The following HHIPL2 variants were observed in gnomAD, a reference collection of about 807,000 sequenced individuals.
HHIPL2 encodes HHIP like 2.
A neutral mutation model predicts 61.0 loss-of-function variants in HHIPL2; 61 were observed. The observed-to-expected ratio is 1.00, with a 90% CI of 0.81 to 1.24. The LOEUF is 1.24. Ranked by LOEUF, HHIPL2 falls within the 50% of genes most tolerant of loss-of-function variation. The pLI, the probability that HHIPL2 is intolerant of heterozygous loss-of-function variation, is 0.00. For synonymous variants in HHIPL2, 343 were observed against 357.4 expected, an observed-to-expected ratio of 0.96 and a Z score of 0.45; for missense variants, 885 against 910.2, an observed-to-expected ratio of 0.97 and a Z score of 0.36.
intron 6 of HHIPL2, 37 bp from the exon 7 acceptor site, chr1:222,527,087 T>C: frequency 6.7e-7 from 1 of 1,497,244 alleles, no homozygotes; most frequent in Non-Finnish European, 9.3e-7. Context: ...TAATGGGACA[T>C]CAGGCAGCAC....
chr1:222,531,281 G>C (rs996308892), intron 6 of HHIPL2, among the ~76,000 whole-genome samples: 1 of 152,126 alleles, frequency 6.6e-6, no homozygotes, highest in Non-Finnish European at 1.5e-5. Context: ...AGACAGCACC[G>C]GCAGCATAAA....
intron 1 of HHIPL2, among the ~76,000 whole-genome samples, chr1:222,545,979 AG>A (rs1659545786): frequency 6.6e-6 from 1 of 152,100 alleles, no homozygotes; most frequent in African/African-American, 2.4e-5. Flanking sequence ...CGGGAGGCAG[AG>A]GTTGTAGTCA....
intron 4 of HHIPL2, 89 bp downstream of exon 4, chr1:222,539,921 C>G: frequency 9.2e-7 from 1 of 1,088,514 alleles, no homozygotes; most frequent in Admixed American, 2.0e-5. Context: ...AAATGACCTG[C>G]AGGGCAGGAC....
intron 5 of HHIPL2, among the ~76,000 whole-genome samples, chr1:222,534,959 T>C (rs1291871180): frequency 1.3e-5 from 2 of 152,024 alleles, no homozygotes; most frequent in African/African-American, 4.8e-5. Context: ...AGCTATAAAT[T>C]CACAGATCCA....
rs1190830200 is a variant in HHIPL2, at chr1:222,530,881, A to G, written c.1723+1085T>C. On this transcript the variant is annotated intron_variant, in intron 6 of 8. Transcript: ENST00000343410. Reference sequence around the variant, plus strand: ...ATTATCTCTGTCTTTAAACATGGTGATATCTCGTGCCAAATACTGAAAAGT... The same window carrying G: ...ATTATCTCTGTCTTTAAACATGGTGGTATCTCGTGCCAAATACTGAAAAGT... 2.0e-5 allele frequency among the ~76,000 whole-genome samples: 3 copies of G among 152,148 alleles called. No homozygotes were observed. In the South Asian group the frequency reaches 6.2e-4, roughly 31 times the overall value.
In HHIPL2 at chr1:222,532,045, G is replaced by A; in HGVS notation, c.1644C>T (p.Gly548=). Residue 548 remains glycine, a synonymous_variant, in exon 6 of 9, where the codon GGC becomes GGT. Transcript: ENST00000343410. The part of the protein sequence containing the change: ...KKWKKQDLCL[G]STTSCAFPGL... Reference sequence around the variant, plus strand: ...CTGGGAAGGCACAGGACGTGGTGCTGCCCAGGCAAAGATCCTGCTTCTTCC... The same window carrying A: ...CTGGGAAGGCACAGGACGTGGTGCTACCCAGGCAAAGATCCTGCTTCTTCC... 1 of 1,613,676 alleles carries A rather than the reference G, an allele frequency of 6.2e-7. No homozygotes were observed. The highest frequency in any genetic ancestry group is 1.6e-4 in the Middle Eastern group (1 of 6,062).
At chr1:222,523,472 T>C (rs1658997389) in intron 8 of HHIPL2, 140 bp downstream of exon 8, 12 of 717,826 alleles carry the variant, frequency 1.7e-5, no homozygotes, top group Non-Finnish European at 2.5e-5. Context: ...AACTCCTCTG[T>C]TATGCAGAGG....
Position 222,544,103 on chromosome 1 carries a change from G to A in HHIPL2, c.408C>T (p.Tyr136=), listed in dbSNP as rs1659504410. ...GACAGTTAGAATGGAAGGCAGAGCAGTAATCAGAGCAGAGGCCCGGGAGAT... is the reference window on the plus strand; with the variant it reads ...GACAGTTAGAATGGAAGGCAGAGCAATAATCAGAGCAGAGGCCCGGGAGAT... ...LRNLPGLCSD[Y]CSAFHSNCHS... Residue 136 remains tyrosine, a synonymous_variant, in exon 2 of 9, where the codon TAC becomes TAT. Transcript: ENST00000343410. The A allele has an allele frequency of 1.2e-6, 2 of 1,614,052 alleles. No homozygotes were observed. Among genetic ancestry groups the A allele is most frequent in the African/African-American group, 1.3e-5 (1 of 74,924 alleles).
At chr1:222,547,328 CTCCCT>C (rs1659575148) in intron 1 of HHIPL2, among the ~76,000 whole-genome samples, 1 of 152,210 alleles carries the variant, frequency 6.6e-6, no homozygotes. Flanking sequence ...CCACCACTCC[CTCCCT>C]TAACGCGCTC....
At chr1:222,535,799 A>G (rs1342486544) in intron 5 of HHIPL2, among the ~76,000 whole-genome samples, 3 of 152,190 alleles carry the variant, frequency 2.0e-5, no homozygotes, top group Non-Finnish European at 4.4e-5. Flanking sequence ...CATATACAAT[A>G]TGTTCTGGGA....
chr1:222,540,330 A>C lies in HHIPL2; in HGVS notation c.1130T>G (p.Leu377Arg). Reference sequence around the variant, plus strand: ...CACATCGATCCTTAAAACTTTTCCCAGCAGGGAACTTCTGAAAGAAAGAAG... The same window carrying C: ...CACATCGATCCTTAAAACTTTTCCCCGCAGGGAACTTCTGAAAGAAAGAAG... ...FGNAQNKSSL[L>R]GKVLRIDVNR... Residue 377 changes from leucine to arginine, a missense_variant, in exon 4 of 9, where the codon CTG (leucine) becomes CGG (arginine). By Grantham distance (102) the Leu-to-Arg change is moderately radical (BLOSUM62 -2). Coordinates refer to ENST00000343410, the MANE Select transcript of HHIPL2 (RefSeq NM_024746.4). 6.2e-7 allele frequency: 1 copy of C among 1,604,282 alleles called. No individual in the cohort carries two copies.
In HHIPL2 at chr1:222,523,654, C is replaced by G. The variant is rs759308666; in HGVS notation, c.1846G>C (p.Val616Leu). Reference sequence around the variant, plus strand: ...GGGATCCGCTTACTCTTGGTTCTCACGGGCACTGGCTTGTATTTGCACTTG... The same window carrying G: ...GGGATCCGCTTACTCTTGGTTCTCAGGGGCACTGGCTTGTATTTGCACTTG... ...PGKCKYKPVP[V>L]RTKSKRIPFR... The change falls in exon 8 of 9, where the codon GTG becomes CTG. Residue 616 changes from valine to leucine, a missense_variant. Coordinates refer to ENST00000343410, the MANE Select transcript of HHIPL2 (RefSeq NM_024746.4). 3 of 1,614,110 alleles carry G rather than the reference C, an allele frequency of 1.9e-6. No homozygotes were observed. The South Asian group carries it at 3.3e-5, about 18-fold the overall frequency.
chr1:222,544,465 A>G (rs1288415975), intron 1 of HHIPL2, among the ~76,000 whole-genome samples: 1 of 152,236 alleles, frequency 6.6e-6, no homozygotes, highest in East Asian at 1.9e-4. Context: ...TAAATGATGC[A>G]TGAATATTTT....
At position 222,544,102 on chromosome 1, in the gene HHIPL2, A is replaced by G. The variant is rs1659504343; in HGVS notation, c.409T>C (p.Cys137Arg). The G allele has an allele frequency of 1.2e-6, 2 of 1,614,172 alleles. No individual in the cohort carries two copies. The highest frequency in any genetic ancestry group is 8.5e-7 in the Non-Finnish European group (1 of 1,180,038). ...RNLPGLCSDY[C>R]SAFHSNCHSA... ...TGACAGTTAGAATGGAAGGCAGAGCAGTAATCAGAGCAGAGGCCCGGGAGA... is the reference window on the plus strand; with the variant it reads ...TGACAGTTAGAATGGAAGGCAGAGCGGTAATCAGAGCAGAGGCCCGGGAGA... Residue 137 changes from cysteine to arginine, a missense_variant, in exon 2 of 9, where the codon TGC (cysteine) becomes CGC (arginine). Cys to Arg is a radical substitution (Grantham distance 180, BLOSUM62 -3). Transcript: ENST00000343410.
rs1057209249 is a variant in HHIPL2 at position 222,522,528 on chromosome 1, T to G, written c.*73A>C. On this transcript the variant is annotated 3_prime_UTR_variant, in exon 9 of 9. Coordinates refer to ENST00000343410, the MANE Select transcript of HHIPL2 (RefSeq NM_024746.4). The stretch of plus-strand genomic sequence containing the variant: ...CTTCCCAGACTTCTAAGGTCTTTAT[T>G]CAGCAGTGACTTTCATTTGATGAGG... 7.3e-6 allele frequency: 11 copies of G among 1,512,992 alleles called. No homozygotes were observed. The highest frequency in any genetic ancestry group is 1.8e-5 in the Admixed American group (1 of 54,532). 93.7% of individuals were successfully genotyped at this position (1,512,992 alleles called of 1,614,324 possible).
rs1571778350 is a variant in HHIPL2 at position 222,544,050 on chromosome 1, T to C, written c.461A>G (p.Asp154Gly). ...TCCATGAGACTCCTGGAGGCCGCGG[T>C]CATTGGTCAGCAGGGAAATGGCTGA... The part of the protein sequence containing the change: ...CHSAISLLTN[D>G]RGLQESHGRD... Residue 154 changes from aspartate (D) to glycine (G), a missense_variant, in exon 2 of 9, where the codon GAC becomes GGC. Transcript: ENST00000343410. 1 of 1,613,876 alleles carries C rather than the reference T, an allele frequency of 6.2e-7. No individual in the cohort carries two copies.
intron 4 of HHIPL2, chr1:222,538,997 G>A (rs1571773651): frequency 1.2e-5 from 6 of 502,488 alleles, no homozygotes; most frequent in African/African-American, 2.0e-5. Flanking sequence ...CAGGCAGAGA[G>A]GAAGCCAAAA....
At chr1:222,542,432 C>T (rs893823899) in intron 2 of HHIPL2, among the ~76,000 whole-genome samples, 2 of 151,698 alleles carry the variant, frequency 1.3e-5, no homozygotes, top group African/African-American at 2.4e-5. Context: ...GGTGCAATCT[C>T]ACCTCACTGC....
chr1:222,523,686 G>T lies in HHIPL2; in HGVS notation c.1814C>A (p.Pro605His), dbSNP rs1368932828. Residue 605 changes from proline to histidine, a missense_variant, in exon 8 of 9, where the codon CCC becomes CAC. Pro to His is a moderately conservative substitution (Grantham distance 77). Coordinates refer to ENST00000343410, the MANE Select transcript of HHIPL2 (RefSeq NM_024746.4). ...YKFVDPSRRA[P>H]PGKCKYKPVP... ...TGGCTTGTATTTGCACTTGCCTGGG[G>T]GTGCTCGCCTAAAAACACAAACAGA... is the stretch of plus-strand genomic sequence containing the variant. 1 of 1,614,102 alleles carries T rather than the reference G, an allele frequency of 6.2e-7. No homozygotes were observed. The highest frequency in any genetic ancestry group is 1.7e-5 in the Admixed American group (1 of 60,014).
Sources: gnomAD v4.1 joint callset for allele counts (sites outside exome capture counted in the v4.1 genomes callset) on GRCh38, gnomAD v4.1.1 for gene constraint, MANE v1.5 for transcripts, NCBI Gene and HGNC (gene_info 2026-07-23, HGNC 2026-07-21) for gene names.